The following RFT1 variants were observed in gnomAD, a reference collection of about 807,000 sequenced individuals.
The protein encoded by RFT1 is man(5)GlcNAc(2)-PP-dolichol translocation protein RFT1.
Under a neutral mutation model 62.2 loss-of-function variants are expected in RFT1, and 43 were observed. The observed-to-expected ratio is 0.69, with a 90% CI of 0.54 to 0.89. The LOEUF (loss-of-function observed/expected upper bound fraction) is 0.89. RFT1 is among the 40% of genes least tolerant of loss of function. RFT1 has a pLI of 0.00. For missense variants in RFT1, 605 were observed against 649.9 expected, an observed-to-expected ratio of 0.93 and a Z score of 0.75; for synonymous variants, 262 against 264.6, an observed-to-expected ratio of 0.99 and a Z score of 0.10.
chr3:53,101,360 C>A (rs1344988520), intron 10 of RFT1, among the ~76,000 whole-genome samples: 1 of 152,136 alleles, frequency 6.6e-6, no homozygotes, highest in African/African-American at 2.4e-5. Context: ...TCCCCAACCT[C>A]CTCTCCCTGG....
At position 53,091,248 on chromosome 3, in the gene RFT1, C is replaced by A. The variant is rs959788937; in HGVS notation, c.*655G>T. 6.4e-6 allele frequency: 1 copy of A among 155,332 alleles called. No individual in the cohort carries two copies. Among genetic ancestry groups the A allele is most frequent in the Non-Finnish European group, 1.4e-5 (1 of 69,956 alleles). 9.6% of individuals were successfully genotyped at this position (155,332 alleles called of 1,614,324 possible). On this transcript the variant is annotated 3_prime_UTR_variant, in exon 13 of 13. Transcript: ENST00000296292. Reference sequence around the variant, plus strand: ...CACTCTGGGTCAAGTATGTGCTGACCTGGGGCGGCGGGGAACAGTGTGATC... The same window carrying A: ...CACTCTGGGTCAAGTATGTGCTGACATGGGGCGGCGGGGAACAGTGTGATC...
intron 10 of RFT1, among the ~76,000 whole-genome samples, chr3:53,100,139 T>G (rs891010241): frequency 3.3e-5 from 5 of 152,184 alleles, no homozygotes; most frequent in African/African-American, 1.2e-4. Context: ...ACCCTGCATG[T>G]TAAGGGAATC....
At chr3:53,098,967 A>G (rs955999765) in intron 11 of RFT1, among the ~76,000 whole-genome samples, 7 of 152,044 alleles carry the variant, frequency 4.6e-5, no homozygotes, top group Admixed American at 2.0e-4. Flanking sequence ...ATTCTCAAAG[A>G]CCCACCAATC....
In RFT1 at chr3:53,091,917, C is replaced by G; in HGVS notation, c.1612G>C (p.Asp538His). The change falls in exon 13 of 13, where the codon GAC becomes CAC. Residue 538 changes from aspartate to histidine, a missense_variant. Coordinates refer to ENST00000296292, the MANE Select transcript of RFT1 (RefSeq NM_052859.4). ...RTQLGVPRRT[D>H]KMT ...CTTCCCTGAAGTCATGTCATTTTGT[C>G]AGTGCGTCTGGGCACACCTAACTGA... The G allele has an allele frequency of 6.2e-7, 1 of 1,614,208 alleles. No homozygotes were observed. Among genetic ancestry groups the G allele is most frequent in the African/African-American group, 1.3e-5 (1 of 75,048 alleles).
At chr3:53,068,769 G>A in the RFT1 span, among the ~76,000 whole-genome samples, 2 of 152,028 alleles carry the variant, frequency 1.3e-5, no homozygotes, top group African/African-American at 4.8e-5. Flanking sequence ...GCTCAACTTG[G>A]GATTTTTTTT....
intron 5 of RFT1, among the ~76,000 whole-genome samples, chr3:53,120,585 C>T (rs1477877796): frequency 3.3e-5 from 5 of 152,154 alleles, no homozygotes. Context: ...CTCCCTCCAC[C>T]CATCCAGGAC....
intron 10 of RFT1, among the ~76,000 whole-genome samples, chr3:53,102,127 G>C (rs1423366548): frequency 6.6e-6 from 1 of 152,136 alleles, no homozygotes; most frequent in African/African-American, 2.4e-5. Context: ...GGATGATGAC[G>C]TGAAGACAGA....
intron 3 of RFT1, among the ~76,000 whole-genome samples, chr3:53,122,780 T>C (rs1702007962): frequency 2.0e-5 from 3 of 151,964 alleles, no homozygotes; most frequent in Non-Finnish European, 1.5e-5. Context: ...AAAATGAAAC[T>C]GAGGCTGACA....
At chr3:53,107,416 C>T (rs113771429) in intron 7 of RFT1, among the ~76,000 whole-genome samples, 8 of 152,044 alleles carry the variant, frequency 5.3e-5, no homozygotes, top group African/African-American at 1.9e-4. Context: ...GGATTACAGG[C>T]GTAAGCCACC....
In RFT1 at chr3:53,092,372, C is replaced by T. The variant is rs767866491; in HGVS notation, c.1455G>A (p.Ser485=). 1.3e-5 allele frequency: 20 copies of T among 1,599,136 alleles called. No homozygotes were observed. Among genetic ancestry groups the T allele is most frequent in the Non-Finnish European group, 1.7e-5 (20 of 1,173,456 alleles). The change falls in exon 12 of 13, where the codon TCG becomes TCA. Residue 485 remains serine, a synonymous_variant. Coordinates refer to ENST00000296292, the MANE Select transcript of RFT1 (RefSeq NM_052859.4). ...FALSGGVTAV[S]EVFLCCEQGW... ...ATGATGGCTCAGGGAGTCTCACCTCCGAAACAGCAGTAACCCCACCACTGA... is the reference window on the plus strand; with the variant it reads ...ATGATGGCTCAGGGAGTCTCACCTCTGAAACAGCAGTAACCCCACCACTGA...
At chr3:53,098,536 C>T (rs999320211) in intron 11 of RFT1, among the ~76,000 whole-genome samples, 11 of 152,158 alleles carry the variant, frequency 7.2e-5, no homozygotes, top group Non-Finnish European at 1.3e-4. Context: ...GGCACGGTGG[C>T]TCATGCCTGT....
rs1702228324 is a variant in RFT1, at chr3:53,130,337, C to CCTTACT, written c.63_63+1insAGTAAG (p.Gln21_Val22insSerLys). 1.3e-6 allele frequency: 2 copies of CCTTACT among 1,567,678 alleles called. No individual in the cohort carries two copies. Among genetic ancestry groups the CCTTACT allele is most frequent in the Non-Finnish European group, 1.7e-6 (2 of 1,156,736 alleles). On this transcript the variant is annotated inframe_insertion and splice_region_variant. Coordinates refer to ENST00000296292, the MANE Select transcript of RFT1 (RefSeq NM_052859.4). ...GCTGGAACCTGAAGGGCAGAGAGTA[C>CCTTACT]CTGCAGGAGGAGACCGGAGGAGGCC...
chr3:53,087,309 A>G (rs1700875972), downstream of RFT1, among the ~76,000 whole-genome samples: 1 of 152,090 alleles, frequency 6.6e-6, no homozygotes, highest in African/African-American at 2.4e-5. Flanking sequence ...CCCCGTTTTC[A>G]GCCATGGCTC....
At chr3:53,112,658 G>A (rs1039447857) in intron 6 of RFT1, among the ~76,000 whole-genome samples, 4 of 152,154 alleles carry the variant, frequency 2.6e-5, no homozygotes, top group African/African-American at 4.8e-5. Flanking sequence ...CACAAGAATC[G>A]TTTGAACCTG....
rs774864872 is a variant in RFT1, at chr3:53,098,541, G to A, written c.1208+840C>T. On this transcript the variant is annotated intron_variant, in intron 11 of 12. Coordinates refer to ENST00000296292, the MANE Select transcript of RFT1 (RefSeq NM_052859.4). ...CATGAGGCTGGGCACGGTGGCTCAT[G>A]CCTGTAATCCCGGCACTTTGGGAGG... Among the ~76,000 whole-genome samples, 185 of 152,250 alleles carry A rather than the reference G, an allele frequency of 1.2e-3. 2 individuals are homozygous for A. Among genetic ancestry groups the A allele is most frequent in the Non-Finnish European group, 1.8e-3 (124 of 68,020 alleles).
chr3:53,102,039 TAA>T (rs1316851081), intron 10 of RFT1, among the ~76,000 whole-genome samples: 9 of 131,372 alleles, frequency 6.9e-5, no homozygotes, highest in Non-Finnish European at 8.2e-5. Flanking sequence ...TTCATCTCAC[TAA>T]AAAAAAAAAA....
At chr3:53,108,455 T>G (rs1049162066) in intron 7 of RFT1, among the ~76,000 whole-genome samples, 2 of 149,672 alleles carry the variant, frequency 1.3e-5, no homozygotes, top group Admixed American at 6.7e-5. Context: ...AGTGGCACGA[T>G]CTCGTTCACT....
rs191028648 is a variant in RFT1, at chr3:53,098,587, G to A, written c.1208+794C>T. Reference sequence around the variant, plus strand: ...GGAGGCCAAGGCGGGAGAATCACAAGGTCAGGAGATCGAGACCAACCTGGC... The same window carrying A: ...GGAGGCCAAGGCGGGAGAATCACAAAGTCAGGAGATCGAGACCAACCTGGC... On this transcript the variant is annotated intron_variant, in intron 11 of 12. Transcript: ENST00000296292. Among the ~76,000 whole-genome samples the A allele has an allele frequency of 3.5e-3, 539 of 152,188 alleles. 5 individuals are homozygous for A. The highest frequency in any genetic ancestry group is 0.021 in the South Asian group (102 of 4,812).
chr3:53,128,165 G>A (rs1440217338), intron 1 of RFT1, among the ~76,000 whole-genome samples: 3 of 152,098 alleles, frequency 2.0e-5, no homozygotes, highest in African/African-American at 7.2e-5. Context: ...AGGTGTGGTG[G>A]CAGGTACCTG....
Sources: allele counts gnomAD v4.1 joint callset (sites outside exome capture counted in the v4.1 genomes callset), GRCh38; gene constraint gnomAD v4.1.1; transcripts MANE v1.5; gene names NCBI Gene and HGNC (gene_info 2026-07-23, HGNC 2026-07-21).